The following SUGCT variants were observed in gnomAD, a reference collection of about 807,000 sequenced individuals.
SUGCT encodes the protein succinyl-CoA:glutarate CoA-transferase.
Under a neutral mutation model 55.0 loss-of-function variants are expected in SUGCT, and 41 were observed. The ratio of observed to expected loss-of-function variants is 0.74; its 90% confidence interval spans 0.58 to 0.97. The LOEUF (loss-of-function observed/expected upper bound fraction) is 0.97, where lower values mean the gene tolerates loss of function less well. Among genes scored for constraint, SUGCT ranks in the 50% least tolerant of loss-of-function variants. SUGCT has a pLI of 0.00. For missense variants in SUGCT, 568 were observed against 547.8 expected (o/e 1.04, Z -0.37); for synonymous variants, 187 against 200.4 (o/e 0.93, Z 0.56).
the SUGCT span, chr7:40,979,673 T>A: frequency 6.6e-6 from 1 of 152,210 alleles, no homozygotes; most frequent in Admixed American, 6.5e-5. Context: ...GTGGGGAAAT[T>A]TCTGTCCCAC....
intron 9 of SUGCT, among the ~76,000 whole-genome samples, chr7:40,386,568 A>G (rs933275408): frequency 1.3e-5 from 2 of 152,202 alleles, no homozygotes; most frequent in African/African-American, 4.8e-5. Context: ...GGAATGTTCT[A>G]TACGTTGCAG....
At chr7:40,318,853 T>G (rs569669754) in intron 9 of SUGCT, among the ~76,000 whole-genome samples, 7 of 152,348 alleles carry the variant, frequency 4.6e-5, no homozygotes, top group Non-Finnish European at 7.3e-5. Context: ...ATAAAGTTTA[T>G]AGTTTATTTT....
intron 13 of SUGCT, among the ~76,000 whole-genome samples, chr7:40,812,968 T>G (rs546677131): frequency 6.6e-6 from 1 of 152,304 alleles, no homozygotes; most frequent in East Asian, 1.9e-4. Flanking sequence ...TTAATTTCAT[T>G]ATTTAATCAG....
At chr7:40,613,231 G>A (rs1325233280) in intron 12 of SUGCT, among the ~76,000 whole-genome samples, 1 of 152,144 alleles carries the variant, frequency 6.6e-6, no homozygotes, top group Admixed American at 6.5e-5. Flanking sequence ...AAAGACTGTG[G>A]GGCTGTCATA....
At chr7:40,850,883 A>G (rs779554006) in intron 13 of SUGCT, among the ~76,000 whole-genome samples, 109 of 152,324 alleles carry the variant, frequency 7.2e-4, no homozygotes, top group Non-Finnish European at 1.4e-3. Context: ...ATCAAAGCTC[A>G]ATGAGAGGTA....
intron 12 of SUGCT, among the ~76,000 whole-genome samples, chr7:40,557,813 C>T (rs966874140): frequency 1.3e-5 from 2 of 150,314 alleles, no homozygotes; most frequent in African/African-American, 4.9e-5. Context: ...CACTATCTTG[C>T]AAAAGGACAA....
At chr7:40,902,435 C>T in the SUGCT span, among the ~76,000 whole-genome samples, 1 of 151,736 alleles carries the variant, frequency 6.6e-6, no homozygotes, top group Admixed American at 6.6e-5. Flanking sequence ...AAAAAATTAA[C>T]CGGGCTTGGT....
chr7:41,001,584 C>A, the SUGCT span, among the ~76,000 whole-genome samples: 1 of 152,150 alleles, frequency 6.6e-6, no homozygotes, highest in Non-Finnish European at 1.5e-5. Flanking sequence ...GAAAGTCCAA[C>A]ATCAGGATGC....
intron 13 of SUGCT, among the ~76,000 whole-genome samples, chr7:40,779,852 G>A (rs955092417): frequency 2.0e-5 from 3 of 152,082 alleles, no homozygotes; most frequent in Non-Finnish European, 4.4e-5. Flanking sequence ...TTAGTGGCTT[G>A]GGGATAGACG....
intron 7 of SUGCT, among the ~76,000 whole-genome samples, chr7:40,245,824 C>G (rs1447218941): frequency 6.6e-6 from 1 of 151,614 alleles, no homozygotes; most frequent in Non-Finnish European, 1.5e-5. Flanking sequence ...ATGGGGTATC[C>G]ATCACCTCAA....
chr7:40,239,384 A>G (rs1183472810), intron 7 of SUGCT, among the ~76,000 whole-genome samples: 1 of 152,166 alleles, frequency 6.6e-6, no homozygotes, highest in South Asian at 2.1e-4. Flanking sequence ...GCCTTCCCTT[A>G]AAATATTCAA....
At chr7:40,713,926 C>T (rs191379868) in intron 12 of SUGCT, among the ~76,000 whole-genome samples, 1 of 152,310 alleles carries the variant, frequency 6.6e-6, no homozygotes, top group African/African-American at 2.4e-5. Context: ...CATTTGGTAT[C>T]TAACTTCCAT....
intron 11 of SUGCT, among the ~76,000 whole-genome samples, chr7:40,473,890 CTT>C (rs1486817528): frequency 1.3e-5 from 2 of 152,114 alleles, no homozygotes; most frequent in Non-Finnish European, 2.9e-5. Context: ...AAAAACCTAA[CTT>C]TTACTTGAGT....
the SUGCT span, among the ~76,000 whole-genome samples, chr7:41,001,565 T>C: frequency 0.24 from 36,690 of 152,034 alleles, 5,161 homozygotes; most frequent in South Asian, 0.32. Context: ...TATCATAGTT[T>C]TGGAGTCTGA....
At chr7:40,884,397 GT>G in the SUGCT span, among the ~76,000 whole-genome samples, 1 of 152,200 alleles carries the variant, frequency 6.6e-6, no homozygotes, top group African/African-American at 2.4e-5. Context: ...GGAACAAATG[GT>G]TTTGGATCCC....
intron 12 of SUGCT, among the ~76,000 whole-genome samples, chr7:40,652,223 ACTGTC>A (rs1197291950): frequency 1.3e-5 from 2 of 152,164 alleles, no homozygotes; most frequent in East Asian, 3.8e-4. Flanking sequence ...AGGAAGCTAA[ACTGTC>A]CTTTATACCC....
chr7:40,713,013 C>T (rs189387715), intron 12 of SUGCT, among the ~76,000 whole-genome samples: 31 of 152,296 alleles, frequency 2.0e-4, no homozygotes, highest in African/African-American at 7.2e-4. Flanking sequence ...GAATGAAAGC[C>T]TCTATTTTTT....
At chr7:40,374,826 G>C (rs901961105) in intron 9 of SUGCT, among the ~76,000 whole-genome samples, 4 of 152,156 alleles carry the variant, frequency 2.6e-5, no homozygotes, top group East Asian at 1.9e-4. Flanking sequence ...ATATGTGGGC[G>C]TGAGTGCAGA....
At chr7:40,507,711 C>T (rs1296474529) in intron 12 of SUGCT, among the ~76,000 whole-genome samples, 2 of 152,124 alleles carry the variant, frequency 1.3e-5, no homozygotes, top group Non-Finnish European at 2.9e-5. Flanking sequence ...TTAAGTACCT[C>T]GTGCCAGTGA....
Sources: allele counts gnomAD v4.1 joint callset (sites outside exome capture counted in the v4.1 genomes callset), GRCh38; gene constraint gnomAD v4.1.1; transcripts MANE v1.5; gene names NCBI Gene and HGNC (gene_info 2026-07-23, HGNC 2026-07-21).